The following AFG1L variants were observed in gnomAD, a reference collection of about 807,000 sequenced individuals.
AFG1L encodes the protein AFG1 like ATPase.
Under a neutral mutation model 62.2 loss-of-function variants are expected in AFG1L, and 53 were observed. The ratio of observed to expected loss-of-function variants is 0.85; its 90% CI spans 0.68 to 1.07. The LOEUF is 1.07. Among genes scored for constraint, AFG1L ranks in the 50% least tolerant of loss-of-function variants. The pLI, the probability that AFG1L is intolerant of heterozygous loss-of-function variation, is 0.00. For synonymous variants in AFG1L, 228 were observed against 210.3 expected, an observed-to-expected ratio of 1.08 and a Z score of -0.73; for missense variants, 555 against 590.5, an observed-to-expected ratio of 0.94 and a Z score of 0.62.
intron 3 of AFG1L, among the ~76,000 whole-genome samples, chr6:108,349,512 G>C (rs987727601): frequency 6.6e-6 from 1 of 151,806 alleles, no homozygotes; most frequent in Non-Finnish European, 1.5e-5. Flanking sequence ...GGTAATAAAA[G>C]ATCAAGTTTT....
chr6:108,396,247 T>C (rs1169418055), intron 6 of AFG1L, among the ~76,000 whole-genome samples: 4 of 152,022 alleles, frequency 2.6e-5, no homozygotes, highest in Admixed American at 6.6e-5. Context: ...TTAAGAAAAA[T>C]ATGAAGAGCT....
At chr6:108,397,866 T>G (rs974659220) in intron 6 of AFG1L, among the ~76,000 whole-genome samples, 5 of 152,224 alleles carry the variant, frequency 3.3e-5, no homozygotes, top group African/African-American at 4.8e-5. Context: ...GATGGACACT[T>G]AGGTTGCTTC....
At chr6:108,368,445 T>C (rs1437255310) in intron 6 of AFG1L, among the ~76,000 whole-genome samples, 1 of 152,212 alleles carries the variant, frequency 6.6e-6, no homozygotes, top group Non-Finnish European at 1.5e-5. Context: ...CAAACAATTA[T>C]AGTCATACCT....
rs1158389345 is a variant in AFG1L, at chr6:108,361,120, C to A, written c.648+4300C>A. ...TGGCCTAATGCCTGGTTGTCTGACC[C>A]ATGACCAGGGGGTCCCTCACACAGG... On this transcript the variant is annotated intron_variant, in intron 5 of 12. Coordinates refer to ENST00000368977, the MANE Select transcript of AFG1L (RefSeq NM_145315.5). Among the ~76,000 whole-genome samples, 4 of 152,240 alleles carry A rather than the reference C, an allele frequency of 2.6e-5. No individual in the cohort carries two copies. The South Asian group carries it at 8.3e-4, about 31-fold the overall frequency.
At position 108,510,258 on chromosome 6, in the gene AFG1L, C is replaced by A; in HGVS notation, c.1109C>A (p.Thr370Lys). The A allele has an allele frequency of 6.2e-7, 1 of 1,611,396 alleles. No homozygotes were observed. Among genetic ancestry groups the A allele is most frequent in the Non-Finnish European group, 8.5e-7 (1 of 1,178,220 alleles). Reference sequence around the variant, plus strand: ...TTGGAACTATCAAAGAATTTTGATACAATATTTTTACGAAACATTCCGCAA... The same window carrying A: ...TTGGAACTATCAAAGAATTTTGATAAAATATTTTTACGAAACATTCCGCAA... ...DYLELSKNFD[T>K]IFLRNIPQFT... Residue 370 changes from threonine (T) to lysine (K), a missense_variant, in exon 11 of 13, where the codon ACA (threonine) becomes AAA (lysine). Transcript: ENST00000368977.
chr6:108,355,990 G>A (rs959895236), intron 4 of AFG1L, among the ~76,000 whole-genome samples: 8 of 152,112 alleles, frequency 5.3e-5, no homozygotes, highest in Non-Finnish European at 1.0e-4. Flanking sequence ...ATGAAGCTCA[G>A]GCATTTTCTG....
At chr6:108,295,952 T>C (rs964138373) in intron 1 of AFG1L, 1 of 152,246 alleles carries the variant, frequency 6.6e-6, no homozygotes, top group African/African-American at 2.4e-5. Context: ...ATATGATTTT[T>C]GAGTGAATGA....
At chr6:108,465,930 G>A (rs1431563634) in intron 8 of AFG1L, among the ~76,000 whole-genome samples, 2 of 151,778 alleles carry the variant, frequency 1.3e-5, no homozygotes, top group Non-Finnish European at 2.9e-5. Context: ...GCCCAGGCTG[G>A]CCTCAAACTC....
chr6:108,404,728 T>C (rs1781776101), intron 7 of AFG1L, among the ~76,000 whole-genome samples: 1 of 151,946 alleles, frequency 6.6e-6, no homozygotes, highest in South Asian at 2.1e-4. Flanking sequence ...TTATTTTATT[T>C]ATTTATTTAT....
intron 2 of AFG1L, among the ~76,000 whole-genome samples, chr6:108,339,266 G>A (rs950001344): frequency 2.7e-5 from 4 of 148,712 alleles, no homozygotes. Flanking sequence ...TCAGCCTCTC[G>A]AGTAGCTGGG....
At chr6:108,502,904 T>C (rs1214360592) in intron 10 of AFG1L, among the ~76,000 whole-genome samples, 1 of 152,242 alleles carries the variant, frequency 6.6e-6, no homozygotes, top group East Asian at 1.9e-4. Flanking sequence ...TTTGTTGTCA[T>C]TTCAACAGTG....
chr6:108,487,875 C>G (rs1005647894), intron 10 of AFG1L, among the ~76,000 whole-genome samples: 1 of 152,152 alleles, frequency 6.6e-6, no homozygotes, highest in African/African-American at 2.4e-5. Flanking sequence ...ACAGATTCTA[C>G]CATCAAAATC....
At chr6:108,393,702 A>C (rs1349215516) in intron 6 of AFG1L, among the ~76,000 whole-genome samples, 1 of 152,206 alleles carries the variant, frequency 6.6e-6, no homozygotes, top group Non-Finnish European at 1.5e-5. Flanking sequence ...GTTATTCTAC[A>C]AGTAGGACCA....
chr6:108,460,171 A>G (rs1772397203), intron 8 of AFG1L, among the ~76,000 whole-genome samples: 1 of 152,132 alleles, frequency 6.6e-6, no homozygotes, highest in African/African-American at 2.4e-5. Context: ...AGGGTATTAT[A>G]CTTATTTTTA....
At chr6:108,498,238 A>T (rs747032824) in intron 10 of AFG1L, among the ~76,000 whole-genome samples, 2 of 152,230 alleles carry the variant, frequency 1.3e-5, no homozygotes, top group Non-Finnish European at 2.9e-5. Flanking sequence ...CATGGTAAAG[A>T]ATAGACTCCA....
intron 8 of AFG1L, among the ~76,000 whole-genome samples, chr6:108,469,471 G>T (rs1772802331): frequency 6.6e-6 from 1 of 152,084 alleles, no homozygotes; most frequent in African/African-American, 2.4e-5. Flanking sequence ...ACTGTTGTGG[G>T]TAATGACTGT....
At chr6:108,340,850 C>A (rs1778654968) in intron 2 of AFG1L, among the ~76,000 whole-genome samples, 1 of 152,092 alleles carries the variant, frequency 6.6e-6, no homozygotes, top group Non-Finnish European at 1.5e-5. Context: ...GGTGGGATTG[C>A]AGTTTCACAT....
intron 7 of AFG1L, among the ~76,000 whole-genome samples, chr6:108,427,126 G>A (rs1441612070): frequency 1.3e-5 from 2 of 151,482 alleles, no homozygotes; most frequent in African/African-American, 2.4e-5. Context: ...TTTTGGAGAC[G>A]GTGTCTTTCC....
intron 1 of AFG1L, among the ~76,000 whole-genome samples, chr6:108,307,990 G>T (rs1459415366): frequency 1.3e-5 from 2 of 152,092 alleles, no homozygotes; most frequent in African/African-American, 2.4e-5. Context: ...CATGCACATT[G>T]TCTGTTTCTT....
Sources: gnomAD v4.1 joint callset for allele counts (sites outside exome capture counted in the v4.1 genomes callset) on GRCh38, gnomAD v4.1.1 for gene constraint, MANE v1.5 for transcripts, NCBI Gene and HGNC (gene_info 2026-07-23, HGNC 2026-07-21) for gene names.